MTRR: variants seen among roughly 807,000 people sequenced by gnomAD.
MTRR encodes the protein 5-methyltetrahydrofolate-homocysteine methyltransferase reductase.
In MTRR, 63 loss-of-function variants were observed where a neutral mutation model predicts 79.2. The ratio of observed to expected loss-of-function variants is 0.80; its 90% confidence interval spans 0.65 to 0.98. The LOEUF is 0.98. MTRR is among the 50% of genes least tolerant of loss of function. MTRR has a pLI of 0.00. For synonymous variants in MTRR, 355 were observed against 313.3 expected, an observed-to-expected ratio of 1.13 and a Z score of -1.41; for missense variants, 895 against 839.6, an observed-to-expected ratio of 1.07 and a Z score of -0.82.
At position 7,886,688 on chromosome 5, in the gene MTRR, A is replaced by C. The variant is rs1050662553; in HGVS notation, c.1131A>C (p.Arg377=). Reference sequence around the variant, plus strand: ...TTTTTACCTGGTGTCTTGAAATCCGAGCAATTCCTAAAAAGGTATTTTTTT... The same window carrying C: ...TTTTTACCTGGTGTCTTGAAATCCGCGCAATTCCTAAAAAGGTATTTTTTT... ...QFIFTWCLEI[R]AIPKKAFLRA... Residue 377 remains arginine, a synonymous_variant, in exon 8 of 15, where the codon CGA becomes CGC. Coordinates refer to ENST00000440940, the MANE Select transcript of MTRR (RefSeq NM_002454.3). 5 of 1,612,134 alleles carry C rather than the reference A, an allele frequency of 3.1e-6. No homozygotes were observed. The highest frequency in any genetic ancestry group is 1.7e-5 in the Admixed American group (1 of 60,000).
chr5:7,899,736 CTGTAGG>C (rs1561302938), intron 14 of MTRR, among the ~76,000 whole-genome samples, 172 bp from the exon 15 acceptor site: 1 of 152,138 alleles, frequency 6.6e-6, no homozygotes, highest in African/African-American at 2.4e-5. Context: ...AGAACAGTCA[CTGTAGG>C]CAAAGGCCTG....
intron 1 of MTRR, chr5:7,856,694 TCA>T (rs1306256576): frequency 6.6e-6 from 1 of 151,724 alleles, no homozygotes; most frequent in African/African-American, 2.4e-5. Flanking sequence ...GCCTGGTTCC[TCA>T]CTGAGCCAAG....
rs759308730 is a variant in MTRR at position 7,861,628 on chromosome 5, T to C, written n.392-323T>C. On this transcript the variant is annotated intron_variant and non_coding_transcript_variant, in intron 1 of 3. Coordinates refer to the MTRR transcript ENST00000502509. ...AGCTGTGGATGGCAATACAAATCCT[T>C]CTTCATCTAATTTAATTTCAACATC... is the stretch of plus-strand genomic sequence containing the variant. 2.5e-6 allele frequency: 4 copies of C among 1,608,732 alleles called. No individual in the cohort carries two copies. The African/African-American group carries it at 4.0e-5, about 16-fold the overall frequency.
chr5:7,858,418 T>TAAG (rs199760766), intron 1 of MTRR, among the ~76,000 whole-genome samples: 13,271 of 152,194 alleles, frequency 0.087, 953 homozygotes, highest in East Asian at 0.21. Flanking sequence ...CCCGGATACA[T>TAAG]CAGAATCTAC....
intron 4 of MTRR, among the ~76,000 whole-genome samples, 170 bp downstream of exon 4, chr5:7,875,545 A>G (rs992108237): frequency 6.6e-6 from 1 of 152,060 alleles, no homozygotes; most frequent in African/African-American, 2.4e-5. Context: ...TGATTTACCT[A>G]TTTTGCTGAT....
Position 7,891,423 on chromosome 5 carries a change from A to C in MTRR, c.1370+9A>C. 1 of 1,603,314 alleles carries C rather than the reference A, an allele frequency of 6.2e-7. No individual in the cohort carries two copies. The highest frequency in any genetic ancestry group is 8.5e-7 in the Non-Finnish European group (1 of 1,171,878). On this transcript the variant is annotated intron_variant, in intron 10 of 14. Coordinates refer to ENST00000440940, the MANE Select transcript of MTRR (RefSeq NM_002454.3). ...CCATATTCGTGTGCAAGGTACTACT[A>C]TTTATTCACGTAATATATAGCATTG...
At chr5:7,876,182 A>AC (rs11397585) in intron 4 of MTRR, among the ~76,000 whole-genome samples, 152,335 of 152,338 alleles carry the variant, frequency 1, 76,166 homozygotes, top group Middle Eastern at 1. Flanking sequence ...TGCTGAACTC[A>AC]CCCTGTGCCC....
rs2126812708 is a variant in MTRR at position 7,896,867 on chromosome 5, G to A, written c.1680G>A (p.Glu560=). Residue 560 remains glutamate (E), a synonymous_variant, in exon 13 of 15, where the codon GAG becomes GAA. Transcript: ENST00000440940. ...APFIGFLQHR[E]KLQEQHPDGN... is the part of the protein sequence containing the mutation. ...AACTTTTTTTTTTTCCACTTAGAGA[G>A]AAACTCCAAGAACAACACCCAGATG... 5.0e-6 allele frequency: 8 copies of A among 1,613,482 alleles called. No homozygotes were observed. Among genetic ancestry groups the A allele is most frequent in the African/African-American group, 1.3e-5 (1 of 74,890 alleles).
rs1561288013 is a variant in MTRR, at chr5:7,896,967, A to G, written c.1769+11A>G. 6.2e-7 allele frequency: 1 copy of G among 1,613,578 alleles called. No homozygotes were observed. Among genetic ancestry groups the G allele is most frequent in the Middle Eastern group, 1.6e-4 (1 of 6,062 alleles). On this transcript the variant is annotated intron_variant, in intron 13 of 14. Transcript: ENST00000440940. ...GGATTATCTATTCAGGTATTGTACA[A>G]TTCCAGTATTGTACTCAACCACTGA...
chr5:7,873,884 A>G (rs906614940), intron 3 of MTRR, among the ~76,000 whole-genome samples: 2 of 152,198 alleles, frequency 1.3e-5, no homozygotes, highest in Non-Finnish European at 2.9e-5. Flanking sequence ...AAAGCAGAAC[A>G]AAACAAAACA....
chr5:7,867,858 G>A (rs1747131161), upstream of MTRR: 1 of 1,614,194 alleles, frequency 6.2e-7, no homozygotes, highest in Non-Finnish European at 8.5e-7. Flanking sequence ...GGTCCACCGA[G>A]TGGATGAAGG....
chr5:7,893,028 G>C, intron 11 of MTRR, 115 bp downstream of exon 11: 1 of 1,246,932 alleles, frequency 8.0e-7, no homozygotes, highest in South Asian at 1.3e-5. Context: ...AATTTATGCT[G>C]TTCTTGAATT....
chr5:7,889,020 C>G (rs1737094029), intron 8 of MTRR, 75 bp from the exon 9 acceptor site: 1 of 1,564,126 alleles, frequency 6.4e-7, no homozygotes, highest in Admixed American at 1.7e-5. Flanking sequence ...CATCCCTAGG[C>G]AGACATTTAA....
intron 2 of MTRR, among the ~76,000 whole-genome samples, chr5:7,871,910 G>A (rs1748058692): frequency 1.3e-5 from 2 of 152,180 alleles, no homozygotes. Context: ...CAAAACCAAA[G>A]CCATCAGTAT....
At chr5:7,872,996 G>A (rs1231751744) in intron 2 of MTRR, among the ~76,000 whole-genome samples, 1 of 152,108 alleles carries the variant, frequency 6.6e-6, no homozygotes, top group East Asian at 1.9e-4. Flanking sequence ...TGACTCAGTG[G>A]CAAAGAGTTG....
intron 10 of MTRR, among the ~76,000 whole-genome samples, chr5:7,892,258 C>G (rs555614243): frequency 6.6e-6 from 1 of 152,256 alleles, no homozygotes; most frequent in African/African-American, 2.4e-5. Context: ...GAAAAGAAAT[C>G]TACTTTTGTA....
chr5:7,897,482 A>C (rs1738734658), intron 14 of MTRR, among the ~76,000 whole-genome samples: 1 of 152,212 alleles, frequency 6.6e-6, no homozygotes, highest in Non-Finnish European at 1.5e-5. Flanking sequence ...CATTCTTGGT[A>C]CCATTTACTT....
chr5:7,877,354 A>C (rs926023315), intron 4 of MTRR, among the ~76,000 whole-genome samples: 1 of 152,010 alleles, frequency 6.6e-6, no homozygotes, highest in African/African-American at 2.4e-5. Context: ...TCCTGTTGTC[A>C]GCCTCCCTGG....
At chr5:7,890,799 T>G (rs1737412222) in intron 9 of MTRR, among the ~76,000 whole-genome samples, 1 of 152,240 alleles carries the variant, frequency 6.6e-6, no homozygotes, top group Non-Finnish European at 1.5e-5. Context: ...TTATTTAACC[T>G]GCTTTTGAAA....
Sources: gnomAD v4.1 joint callset for allele counts (sites outside exome capture counted in the v4.1 genomes callset) on GRCh38, gnomAD v4.1.1 for gene constraint, MANE v1.5 for transcripts, NCBI Gene and HGNC (gene_info 2026-07-23, HGNC 2026-07-21) for gene names.